MSH5: variants seen among roughly 807,000 people sequenced by gnomAD.
The protein encoded by MSH5 is mutS homolog 5.
Under a neutral mutation model 107.7 loss-of-function variants are expected in MSH5, and 78 were observed. The ratio of observed to expected loss-of-function variants is 0.72; its 90% CI spans 0.60 to 0.87. The LOEUF (loss-of-function observed/expected upper bound fraction) is 0.87. Among genes scored for constraint, MSH5 ranks in the 40% least tolerant of loss-of-function variants. The pLI is 0.00. For synonymous variants in MSH5, 326 were observed against 399.5 expected (o/e 0.82, Z 2.19); for missense variants, 889 against 1,046.6 (o/e 0.85, Z 2.08).
Position 31,760,317 on chromosome 6 carries a change from C to G in MSH5, c.1812+101C>G, listed in dbSNP as rs771832277. 3 of 1,441,116 alleles carry G rather than the reference C, an allele frequency of 2.1e-6. No homozygotes were observed. The highest frequency in any genetic ancestry group is 2.8e-6 in the Non-Finnish European group (3 of 1,076,442). 89.3% of individuals were successfully genotyped at this position (1,441,116 alleles called of 1,614,324 possible). On this transcript the variant is annotated intron_variant, in intron 19 of 24. Coordinates refer to ENST00000375750, the MANE Select transcript of MSH5 (RefSeq NM_172166.4). The surrounding 1 kb of genome is among the most constrained non-coding windows in gnomAD (Gnocchi z 5.6). ...GCTCCTGCAGCTCTTCTCCCATTTTCTGACCCCGCTCTTCATGAAAGGACC... is the reference window on the plus strand; with the variant it reads ...GCTCCTGCAGCTCTTCTCCCATTTTGTGACCCCGCTCTTCATGAAAGGACC...
chr6:31,744,608 C>G lies in MSH5; in HGVS notation c.683+27C>G, dbSNP rs758762836. The G allele has an allele frequency of 9.9e-6, 16 of 1,612,318 alleles. No individual in the cohort carries two copies. In the African/African-American group the frequency reaches 2.1e-4, roughly 22 times the overall value. ...TAAAGAGGTGGAGGCATGCTGCTGT[C>G]TCTGGGGAGGGAGAAGGATTAAGTT... On this transcript the variant is annotated intron_variant, in intron 8 of 24. Coordinates refer to ENST00000375750, the MANE Select transcript of MSH5 (RefSeq NM_172166.4).
chr6:31,745,179 A>G (rs1001765152), intron 8 of MSH5, 58 bp from the exon 9 acceptor site: 1 of 1,029,672 alleles, frequency 9.7e-7, no homozygotes, highest in African/African-American at 1.6e-5. Flanking sequence ...TCAGTCCTCA[A>G]TTCTTATTCC....
rs61754781 is a variant in MSH5, at chr6:31,759,502, C to T, written c.1485C>T (p.Cys495=). ...ATGCATTGCTGGGGGACCTGCACTGCGAGATCCGGGGTGAGGAAAAGCCAG... is the reference window on the plus strand; with the variant it reads ...ATGCATTGCTGGGGGACCTGCACTGTGAGATCCGGGGTGAGGAAAAGCCAG... ...ELDALLGDLH[C]EIRDQETLLM... is the part of the protein sequence containing the mutation. Residue 495 remains cysteine (C), a synonymous_variant, in exon 17 of 25, where the codon TGC becomes TGT. Transcript: ENST00000375750. This position sits in a 1 kb window ranked among gnomAD's most constrained non-coding sequence, Gnocchi z 4.7. 4.1e-4 allele frequency: 663 copies of T among 1,612,370 alleles called. No individual in the cohort carries two copies. The highest frequency in any genetic ancestry group is 5.1e-4 in the Non-Finnish European group (602 of 1,179,960).
In MSH5 at chr6:31,744,540, C is replaced by G; in HGVS notation, c.648-6C>G. On this transcript the variant is annotated splice_polypyrimidine_tract_variant and splice_region_variant and intron_variant, in intron 7 of 24. Coordinates refer to ENST00000375750, the MANE Select transcript of MSH5 (RefSeq NM_172166.4). ...TGCTTCCTGCTTTTTTGTTTTCTGT[C>G]CTCAGGACTCATCTGGTGAACATAG... is the stretch of plus-strand genomic sequence containing the variant. 2 of 1,613,338 alleles carry G rather than the reference C, an allele frequency of 1.2e-6. No individual in the cohort carries two copies. The highest frequency in any genetic ancestry group is 1.7e-6 in the Non-Finnish European group (2 of 1,180,000).
In MSH5 at chr6:31,759,881, G is replaced by A. The variant is rs1479375303; in HGVS notation, c.1591G>A (p.Val531Ile). 18 of 1,614,038 alleles carry A rather than the reference G, an allele frequency of 1.1e-5. No individual in the cohort carries two copies. Among genetic ancestry groups the A allele is most frequent in the East Asian group, 2.2e-5 (1 of 44,898 alleles). Residue 531 changes from valine to isoleucine, a missense_variant, in exon 18 of 25, where the codon GTC becomes ATC. By Grantham distance (29) the Val-to-Ile change is conservative. Around this residue, in one of 3 missense-constraint regions of MSH5, gnomAD observed 362 missense variants for 456.2 expected, o/e 0.79. Coordinates refer to ENST00000375750, the MANE Select transcript of MSH5 (RefSeq NM_172166.4). This position sits in a 1 kb window ranked among gnomAD's most constrained non-coding sequence, Gnocchi z 4.7. ...ATTGGACCTTGCCTCCCGCCTGGAC[G>A]TCCTGCTGGCTCTTGCCAGTGCTGC... ...RVLDLASRLD[V>I]LLALASAARD...
chr6:31,749,246 A>G (rs1809739580), intron 10 of MSH5, among the ~76,000 whole-genome samples: 1 of 152,122 alleles, frequency 6.6e-6, no homozygotes, highest in African/African-American at 2.4e-5. Flanking sequence ...GTACCTATCA[A>G]AATCTTACAT....
Position 31,758,600 on chromosome 6 carries a change from T to C in MSH5, c.1196T>C (p.Ile399Thr), listed in dbSNP as rs908424021. 10 of 1,613,846 alleles carry C rather than the reference T, an allele frequency of 6.2e-6. No individual in the cohort carries two copies. In the Admixed American group the frequency reaches 1.5e-4, roughly 24 times the overall value. Residue 399 changes from isoleucine (I) to threonine (T), a missense_variant, in exon 14 of 25, where the codon ATA becomes ACA. Coordinates refer to ENST00000375750, the MANE Select transcript of MSH5 (RefSeq NM_172166.4). This position sits in a 1 kb window ranked among gnomAD's most constrained non-coding sequence, Gnocchi z 5.1. ...AATCGCTTCACAGTCCTCCCCAACATAGATCCTGAAATTGATGAGAGTGAG... is the reference window on the plus strand; with the variant it reads ...AATCGCTTCACAGTCCTCCCCAACACAGATCCTGAAATTGATGAGAGTGAG... ...AENRFTVLPN[I>T]DPEIDEKKRR...
Position 31,744,104 on chromosome 6 carries a change from C to T in MSH5, c.537+79C>T, listed in dbSNP as rs763210970. The T allele has an allele frequency of 1.3e-5, 21 of 1,597,482 alleles. No homozygotes were observed. The South Asian group carries it at 1.5e-4, about 11-fold the overall frequency. On this transcript the variant is annotated intron_variant, in intron 6 of 24. Coordinates refer to ENST00000375750, the MANE Select transcript of MSH5 (RefSeq NM_172166.4). ...GAATTCTGGGAGGTACTGGCCTAGC[C>T]CTGGAAAATAGTAACTTTCCCTGGT...
chr6:31,754,449 C>G (rs1810260056), intron 12 of MSH5, among the ~76,000 whole-genome samples: 1 of 152,134 alleles, frequency 6.6e-6, no homozygotes, highest in African/African-American at 2.4e-5. Context: ...CGTGCCCAGC[C>G]TAGTATGTGT....
rs892983210 is a variant in MSH5 at position 31,740,453 on chromosome 6, G to T, written c.-13-1G>T. ...ACCGCCCTCACTTTTTGCATCCGCA[G>T]AGCCTCCAAGCTCATGGCCTCCTTA... is the stretch of plus-strand genomic sequence containing the variant. On this transcript the variant is annotated splice_acceptor_variant, in intron 1 of 24. Transcript: ENST00000375750. LOFTEE classifies it low-confidence loss of function (5UTR_SPLICE). The surrounding 1 kb of genome is among the most constrained non-coding windows in gnomAD (Gnocchi z 4.4). The T allele has an allele frequency of 5.1e-6, 8 of 1,554,752 alleles. No individual in the cohort carries two copies. The Admixed American group carries it at 1.4e-4, about 26-fold the overall frequency.
intron 12 of MSH5, among the ~76,000 whole-genome samples, chr6:31,755,994 C>G (rs888208815): frequency 4.0e-5 from 6 of 149,044 alleles, no homozygotes; most frequent in African/African-American, 1.2e-4. Context: ...TCTCTCTCTT[C>G]TATAGTTTCT....
intron 3 of MSH5, 53 bp from the exon 4 acceptor site, chr6:31,742,824 T>A: frequency 6.3e-7 from 1 of 1,577,386 alleles, no homozygotes; most frequent in African/African-American, 1.3e-5. Context: ...GGGTTTTCTC[T>A]TAGTCAAAGA....
At chr6:31,743,344 T>C (rs1233628621) in intron 5 of MSH5, 174 bp downstream of exon 5, 6 of 674,866 alleles carry the variant, frequency 8.9e-6, no homozygotes, top group Non-Finnish European at 1.3e-5. Flanking sequence ...TACCCTTTAA[T>C]AACCTGCAGC....
chr6:31,752,894 C>T (rs1038345100), intron 10 of MSH5, among the ~76,000 whole-genome samples: 1 of 152,122 alleles, frequency 6.6e-6, no homozygotes, highest in Non-Finnish European at 1.5e-5. Context: ...GTTGCTGTTA[C>T]CCAGAGACAC....
chr6:31,760,198 G>A lies in MSH5; in HGVS notation c.1794G>A (p.Lys598=). The change falls in exon 19 of 25, where the codon AAG becomes AAA. Residue 598 remains lysine, a synonymous_variant. Coordinates refer to ENST00000375750, the MANE Select transcript of MSH5 (RefSeq NM_172166.4). The surrounding 1 kb of genome is among the most constrained non-coding windows in gnomAD (Gnocchi z 5.6). ...KVITGPNSSG[K]SIYLKQVGLI... ...TCACTGGACCCAACTCATCAGGGAA[G>A]AGCATATACCTCAAACAGGTGAGGA... is the stretch of plus-strand genomic sequence containing the variant. 1 of 1,608,262 alleles carries A rather than the reference G, an allele frequency of 6.2e-7. No homozygotes were observed. The highest frequency in any genetic ancestry group is 8.5e-7 in the Non-Finnish European group (1 of 1,177,466).
Position 31,753,437 on chromosome 6 carries a change from C to A in MSH5, c.949C>A (p.Pro317Thr). The stretch of plus-strand genomic sequence containing the variant: ...GCTCCTGGGTCACATCAAGAACGTG[C>A]CTGTGAGCCCAGGGTGGAGGGCAGG... Reference protein sequence around the residue: ...HRLLGHIKNVPLILKRMKLSH... With the variant: ...HRLLGHIKNVTLILKRMKLSH... Residue 317 changes from proline to threonine, a missense_variant and splice_region_variant, in exon 11 of 25, where the codon CCT becomes ACT. Coordinates refer to ENST00000375750, the MANE Select transcript of MSH5 (RefSeq NM_172166.4). 1 of 1,613,558 alleles carries A rather than the reference C, an allele frequency of 6.2e-7. No homozygotes were observed. The highest frequency in any genetic ancestry group is 1.1e-5 in the South Asian group (1 of 91,070).
At chr6:31,743,277 A>G in intron 5 of MSH5, 107 bp downstream of exon 5, 1 of 1,232,854 alleles carries the variant, frequency 8.1e-7, no homozygotes, top group South Asian at 1.2e-5. Context: ...ATGTCATCCT[A>G]AACCTTTGTG....
rs749261273 is a variant in MSH5 at position 31,758,840 on chromosome 6, C to T, written c.1291C>T (p.Arg431Cys). ...ARKELENLDS[R>C]IPSCSVIYIP... is the part of the protein sequence containing the mutation. The stretch of plus-strand genomic sequence containing the variant: ...CAAGGAGCTGGAGAATCTGGACTCC[C>T]GTATTCCTTCATGCAGTGTCATCTA... Residue 431 changes from arginine to cysteine, a missense_variant, in exon 15 of 25, where the codon CGT becomes TGT. Coordinates refer to ENST00000375750, the MANE Select transcript of MSH5 (RefSeq NM_172166.4). The surrounding 1 kb of genome is among the most constrained non-coding windows in gnomAD (Gnocchi z 5.1). 6.2e-6 allele frequency: 10 copies of T among 1,614,008 alleles called. No homozygotes were observed. The highest frequency in any genetic ancestry group is 1.7e-5 in the Admixed American group (1 of 59,996).
chr6:31,741,348 C>G, intron 3 of MSH5, 62 bp downstream of exon 3: 1 of 679,442 alleles, frequency 1.5e-6, no homozygotes, highest in Non-Finnish European at 2.1e-6. Flanking sequence ...CACACACACA[C>G]ACACACACAC....
Sources: gnomAD v4.1 joint callset for allele counts (sites outside exome capture counted in the v4.1 genomes callset) on GRCh38, gnomAD v4.1.1 for gene constraint, gnomAD v4.1.1 regional missense constraint, Gnocchi (gnomAD v3.1) non-coding constraint, MANE v1.5 for transcripts, NCBI Gene and HGNC (gene_info 2026-07-23, HGNC 2026-07-21) for gene names.